EIF1B: variants seen among roughly 807,000 people sequenced by gnomAD.
EIF1B encodes eukaryotic translation initiation factor 1B, also known as protein translation factor SUI1 homolog GC20.
EIF1B carries 5 observed loss-of-function variants against 14.8 expected under a neutral mutation model. The ratio of observed to expected loss-of-function variants is 0.34; its 90% CI spans 0.18 to 0.71. The LOEUF (loss-of-function observed/expected upper bound fraction) is 0.71. EIF1B is among the 30% of genes least tolerant of loss of function. EIF1B has a pLI of 0.64. For synonymous variants in EIF1B, 45 were observed against 45.8 expected, an observed-to-expected ratio of 0.98 and a Z score of 0.07; for missense variants, 56 against 134.0, an observed-to-expected ratio of 0.42 and a Z score of 2.87.
chr3:40,310,753 TC>T lies in EIF1B; in HGVS notation c.32-138del, dbSNP rs1234430410. 6.9e-6 allele frequency: 6 copies of T among 863,488 alleles called. No individual in the cohort carries two copies. The African/African-American group carries it at 8.6e-5, about 12-fold the overall frequency. 53.5% of individuals were successfully genotyped at this position (863,488 alleles called of 1,614,324 possible). A position where few individuals can be genotyped will look rare whatever the true frequency, so the allele number is the denominator to read the frequency against. On this transcript the variant is annotated intron_variant, in intron 1 of 3. Transcript: ENST00000232905. ...ATTAATACTCCACCCCCATCTCCAT[TC>T]CTACCGGCAAAAACAGCAAAGGCAC...
Position 40,312,189 on chromosome 3 carries a change from A to G in EIF1B, c.*175A>G. On this transcript the variant is annotated 3_prime_UTR_variant, in exon 4 of 4. Transcript: ENST00000232905. ...CATGGGGTATGTAGACTAGTAACAC[A>G]TAAGAAAATTGCAGTAAGATGGTAA... The G allele has an allele frequency of 3.5e-6, 2 of 572,954 alleles. No homozygotes were observed. Among genetic ancestry groups the G allele is most frequent in the Non-Finnish European group, 6.2e-6 (2 of 324,464 alleles). The allele number at this position is 572,954 out of a possible 1,614,324, so 35.5% of individuals were successfully genotyped here. A position where few individuals can be genotyped will look rare whatever the true frequency, so the allele number is the denominator to read the frequency against.
Position 40,312,358 on chromosome 3 carries a change from A to G in EIF1B, c.*344A>G, listed in dbSNP as rs747395671. 3.5e-5 allele frequency: 7 copies of G among 199,084 alleles called. No individual in the cohort carries two copies. Among genetic ancestry groups the G allele is most frequent in the East Asian group, 1.5e-4 (1 of 6,766 alleles). 12.3% of individuals were successfully genotyped at this position (199,084 alleles called of 1,614,324 possible). On this transcript the variant is annotated 3_prime_UTR_variant, in exon 4 of 4. Coordinates refer to ENST00000232905, the MANE Select transcript of EIF1B (RefSeq NM_005875.3). ...GCAGCTTAACAATAAAAAAAAATCT[A>G]TGAATCTTTGTGAGCAATTATGCTC...
chr3:40,310,891 A>G lies in EIF1B; in HGVS notation c.32-2A>G. 1 of 1,555,774 alleles carries G rather than the reference A, an allele frequency of 6.4e-7. No homozygotes were observed. Among genetic ancestry groups the G allele is most frequent in the Non-Finnish European group, 8.7e-7 (1 of 1,155,614 alleles). ...TTTTTTTTTTTTTTTATCCATTCGC[A>G]GACCCCTTTGCTGATGCAACTAAGG... On this transcript the variant is annotated splice_acceptor_variant, in intron 1 of 3. Transcript: ENST00000232905. LOFTEE classifies it high-confidence loss of function.
rs1006137873 is a variant in EIF1B at position 40,311,824 on chromosome 3, T to A, written c.298-146T>A. ...GTAAAGTATTCAAATACGTGTTGAATTGTTGGCTATCAGCAGTGCATGCCA... is the reference window on the plus strand; with the variant it reads ...GTAAAGTATTCAAATACGTGTTGAAATGTTGGCTATCAGCAGTGCATGCCA... On this transcript the variant is annotated intron_variant, in intron 3 of 3. Coordinates refer to ENST00000232905, the MANE Select transcript of EIF1B (RefSeq NM_005875.3). 4.2e-6 allele frequency: 3 copies of A among 721,486 alleles called. No individual in the cohort carries two copies. In the African/African-American group the frequency reaches 5.4e-5, roughly 13 times the overall value. The allele number at this position is 721,486 out of a possible 1,614,324, so 44.7% of individuals were successfully genotyped here.
rs1255522132 is a variant in EIF1B, at chr3:40,309,889, C to A, written c.-53C>A. On this transcript the variant is annotated 5_prime_UTR_variant, in exon 1 of 4. Coordinates refer to ENST00000232905, the MANE Select transcript of EIF1B (RefSeq NM_005875.3). ...ACTACAGCCTCCTGACAAGGTGATC[C>A]GGGCGGGCCCCGCAGGAATTTTATC... is the stretch of plus-strand genomic sequence containing the variant. 38 of 1,600,372 alleles carry A rather than the reference C, an allele frequency of 2.4e-5. No individual in the cohort carries two copies. Among genetic ancestry groups the A allele is most frequent in the Non-Finnish European group, 3.2e-5 (37 of 1,168,068 alleles).
At chr3:40,311,634 A>T in intron 3 of EIF1B, 63 bp downstream of exon 3, 1 of 1,319,032 alleles carries the variant, frequency 7.6e-7, no homozygotes, top group East Asian at 2.3e-5. Flanking sequence ...TTTAAAGGCA[A>T]CATGATTTGT....
chr3:40,310,122 C>T (rs1954305792), intron 1 of EIF1B, 150 bp downstream of exon 1: 4 of 1,037,134 alleles, frequency 3.9e-6, no homozygotes, highest in South Asian at 1.4e-5. Context: ...GGCGACGGGG[C>T]CCCTGGCGAC....
In EIF1B at chr3:40,310,880, T is replaced by TTA. The variant is rs1491059111; in HGVS notation, c.32-13_32-12insTA. On this transcript the variant is annotated splice_polypyrimidine_tract_variant and intron_variant, in intron 1 of 3. Transcript: ENST00000232905. Reference sequence around the variant, plus strand: ...CTACTTTGGATTTTTTTTTTTTTTTTATCCATTCGCAGACCCCTTTGCTGA... The same window carrying TTA: ...CTACTTTGGATTTTTTTTTTTTTTTTTAATCCATTCGCAGACCCCTTTGCTGA... 6 of 1,535,240 alleles carry TTA rather than the reference T, an allele frequency of 3.9e-6. No homozygotes were observed. The highest frequency in any genetic ancestry group is 4.4e-6 in the Non-Finnish European group (5 of 1,146,292).
Position 40,309,830 on chromosome 3 carries a change from G to T in EIF1B, c.-112G>T. On this transcript the variant is annotated 5_prime_UTR_variant, in exon 1 of 4. Transcript: ENST00000232905. ...TCCAGCCTAATCCCAACCCCAGGGC[G>T]AAGCGTTTTCTTATTTATTTCCGTT... The T allele has an allele frequency of 1.5e-6, 2 of 1,340,124 alleles. No individual in the cohort carries two copies. Among genetic ancestry groups the T allele is most frequent in the Admixed American group, 3.4e-5 (2 of 58,280 alleles). 83.0% of individuals were successfully genotyped at this position (1,340,124 alleles called of 1,614,324 possible). A position where few individuals can be genotyped will look rare whatever the true frequency, so the allele number is the denominator to read the frequency against.
intron 2 of EIF1B, 85 bp from the exon 3 acceptor site, chr3:40,311,385 T>C (rs980354152): frequency 1.0e-6 from 1 of 953,660 alleles, no homozygotes; most frequent in Non-Finnish European, 1.6e-6. Context: ...TCTAGCTTAC[T>C]GAAATGGCTA....
In EIF1B at chr3:40,309,710, A is replaced by T; in HGVS notation, c.-232A>T. The T allele has an allele frequency of 1.8e-6, 1 of 550,104 alleles. No individual in the cohort carries two copies. Among genetic ancestry groups the T allele is most frequent in the Non-Finnish European group, 3.2e-6 (1 of 310,424 alleles). 34.1% of individuals were successfully genotyped at this position (550,104 alleles called of 1,614,324 possible). On this transcript the variant is annotated 5_prime_UTR_variant, in exon 1 of 4. Coordinates refer to ENST00000232905, the MANE Select transcript of EIF1B (RefSeq NM_005875.3). ...GTCTCCATCGGCCATTTTGTGCGAGAAGCCGCAGCGCCGCCTCTTCTCTCG... is the reference window on the plus strand; with the variant it reads ...GTCTCCATCGGCCATTTTGTGCGAGTAGCCGCAGCGCCGCCTCTTCTCTCG...
chr3:40,310,659 C>T (rs914633329), intron 1 of EIF1B: 1 of 368,606 alleles, frequency 2.7e-6, no homozygotes, highest in Non-Finnish European at 4.8e-6. Flanking sequence ...TTATCTATAA[C>T]AGCGTTTTTC....
chr3:40,309,836 T>G lies in EIF1B; in HGVS notation c.-106T>G. 2.9e-6 allele frequency: 4 copies of G among 1,373,340 alleles called. No homozygotes were observed. The highest frequency in any genetic ancestry group is 4.1e-6 in the Non-Finnish European group (4 of 970,368). 85.1% of individuals were successfully genotyped at this position (1,373,340 alleles called of 1,614,324 possible). A position where few individuals can be genotyped will look rare whatever the true frequency, so the allele number is the denominator to read the frequency against. The stretch of plus-strand genomic sequence containing the variant: ...CTAATCCCAACCCCAGGGCGAAGCG[T>G]TTTCTTATTTATTTCCGTTTTCTCG... On this transcript the variant is annotated 5_prime_UTR_variant, in exon 1 of 4. Transcript: ENST00000232905.
chr3:40,309,757 C>T lies in EIF1B; in HGVS notation c.-185C>T, dbSNP rs1954301055. Reference sequence around the variant, plus strand: ...CTCGCGCCCTCGCCTCTTCCTCCGCCTCCTCCTTCGCCTCTTCCTGCCTCC... The same window carrying T: ...CTCGCGCCCTCGCCTCTTCCTCCGCTTCCTCCTTCGCCTCTTCCTGCCTCC... On this transcript the variant is annotated 5_prime_UTR_variant, in exon 1 of 4. Coordinates refer to ENST00000232905, the MANE Select transcript of EIF1B (RefSeq NM_005875.3). 1 of 642,994 alleles carries T rather than the reference C, an allele frequency of 1.6e-6. No individual in the cohort carries two copies. Among genetic ancestry groups the T allele is most frequent in the Admixed American group, 2.8e-5 (1 of 35,500 alleles). 39.8% of individuals were successfully genotyped at this position (642,994 alleles called of 1,614,324 possible).
rs56308552 is a variant in EIF1B, at chr3:40,309,820, A to C, written c.-122A>C. On this transcript the variant is annotated 5_prime_UTR_variant, in exon 1 of 4. Transcript: ENST00000232905. Reference sequence around the variant, plus strand: ...CCGCCGCCACTCCAGCCTAATCCCAACCCCAGGGCGAAGCGTTTTCTTATT... The same window carrying C: ...CCGCCGCCACTCCAGCCTAATCCCACCCCCAGGGCGAAGCGTTTTCTTATT... 3.8e-3 allele frequency: 4,798 copies of C among 1,253,230 alleles called. 17 individuals are homozygous for C. The highest frequency in any genetic ancestry group is 4.5e-3 in the Non-Finnish European group (3,964 of 871,350). The allele number at this position is 1,253,230 out of a possible 1,614,324, so 77.6% of individuals were successfully genotyped here. A position where few individuals can be genotyped will look rare whatever the true frequency, so the allele number is the denominator to read the frequency against.
chr3:40,310,837 T>C (rs756102941), intron 1 of EIF1B, 56 bp from the exon 2 acceptor site: 2 of 1,490,550 alleles, frequency 1.3e-6, no homozygotes, highest in Non-Finnish European at 1.8e-6. Flanking sequence ...TGGAAAGTAC[T>C]TCTTAAAAAA....
rs781753136 is a variant in EIF1B at position 40,309,937 on chromosome 3, A to G, written c.-5A>G. The G allele has an allele frequency of 1.2e-6, 2 of 1,614,024 alleles. No homozygotes were observed. Among genetic ancestry groups the G allele is most frequent in the South Asian group, 1.1e-5 (1 of 91,078 alleles). On this transcript the variant is annotated 5_prime_UTR_variant, in exon 1 of 4. Transcript: ENST00000232905. ...ATCCCCTCACCGGCCTCACACTAGT[A>G]TCGCATGTCCACTATCCAGAACCTC...
chr3:40,312,030 G>A lies in EIF1B; in HGVS notation c.*16G>A, dbSNP rs555624425. On this transcript the variant is annotated 3_prime_UTR_variant, in exon 4 of 4. Transcript: ENST00000232905. The stretch of plus-strand genomic sequence containing the variant: ...TGGATTCTAAAATGAACCTAAATAC[G>A]TGGAGAATTTCTTGAATAGTTTTGT... The A allele has an allele frequency of 1.3e-4, 204 of 1,598,266 alleles. 2 individuals carry two copies. The South Asian group carries it at 2.1e-3, about 16-fold the overall frequency.
rs1040775048 is a variant in EIF1B, at chr3:40,309,745, C to A, written c.-197C>A. 7 of 612,784 alleles carry A rather than the reference C, an allele frequency of 1.1e-5. No individual in the cohort carries two copies. The highest frequency in any genetic ancestry group is 1.9e-5 in the African/African-American group (1 of 53,796). The allele number at this position is 612,784 out of a possible 1,614,324, so 38.0% of individuals were successfully genotyped here. ...GCCGCCTCTTCTCTCGCGCCCTCGC[C>A]TCTTCCTCCGCCTCCTCCTTCGCCT... On this transcript the variant is annotated 5_prime_UTR_variant, in exon 1 of 4. Transcript: ENST00000232905.
Sources: gnomAD v4.1 joint callset for allele counts on GRCh38, gnomAD v4.1.1 for gene constraint, MANE v1.5 for transcripts, NCBI Gene and HGNC (gene_info 2026-07-23, HGNC 2026-07-21) for gene names.